ALG12: variants seen among roughly 807,000 people sequenced by gnomAD.
The protein encoded by ALG12 is dol-P-Man:Man(7)GlcNAc(2)-PP-Dol alpha-1,6-mannosyltransferase.
Under a neutral mutation model 46.0 loss-of-function variants are expected in ALG12, and 36 were observed. The ratio of observed to expected loss-of-function variants is 0.78; its 90% confidence interval spans 0.60 to 1.03. The LOEUF is 1.03. Among genes scored for constraint, ALG12 ranks in the 50% least tolerant of loss-of-function variants. The pLI is 0.00. For synonymous variants in ALG12, 326 were observed against 291.6 expected (o/e 1.12, Z -1.20); for missense variants, 599 against 633.5 (o/e 0.95, Z 0.58).
At position 49,901,591 on chromosome 22, in the gene ALG12, G is replaced by A. The variant is rs2060505832; in HGVS notation, c.*2247C>T. On this transcript the variant is annotated 3_prime_UTR_variant, in exon 10 of 10. Coordinates refer to ENST00000330817, the MANE Select transcript of ALG12 (RefSeq NM_024105.4). ...ATTGTGTGGTGTGTATGCATGGTGT[G>A]TGCACCTGTGCATTGTGTGTGTGCA... is the stretch of plus-strand genomic sequence containing the variant. 6.6e-6 allele frequency: 1 copy of A among 151,592 alleles called. No homozygotes were observed. The highest frequency in any genetic ancestry group is 1.5e-5 in the Non-Finnish European group (1 of 68,010). The allele number at this position is 151,592 out of a possible 1,614,324, so 9.4% of individuals were successfully genotyped here.
chr22:49,913,909 G>A (rs1453896529), intron 1 of ALG12, 66 bp from the exon 2 acceptor site: 12 of 1,025,500 alleles, frequency 1.2e-5, no homozygotes, highest in Admixed American at 3.9e-5. Context: ...TGGGAGATCC[G>A]GGTAAAGGGT....
the ALG12 span, chr22:49,888,601 A>G: frequency 6.0e-6 from 1 of 167,266 alleles, no homozygotes; most frequent in Non-Finnish European, 1.5e-5. Flanking sequence ...TTACAACAAC[A>G]GTTCTGATCA....
the ALG12 span, chr22:49,887,102 C>G: frequency 1.9e-6 from 3 of 1,614,068 alleles, no homozygotes; most frequent in South Asian, 3.3e-5. Context: ...CTTGGCCAAT[C>G]CAGGCTCATG....
At chr22:49,893,551 C>T in the ALG12 span, among the ~76,000 whole-genome samples, 1 of 152,150 alleles carries the variant, frequency 6.6e-6, no homozygotes, top group Non-Finnish European at 1.5e-5. Context: ...TTTATATACC[C>T]AGTGAGAAGA....
rs1413184004 is a variant in ALG12, at chr22:49,905,300, C to T, written c.993-794G>A. Among the ~76,000 whole-genome samples the T allele has an allele frequency of 8.5e-5, 13 of 152,304 alleles. No individual in the cohort carries two copies. The highest frequency in any genetic ancestry group is 1.9e-4 in the East Asian group (1 of 5,174). ...CCCTGGTCTAAACGCCCTGAACCCC[C>T]GATCAAGACTCACTCTCTTCCAAAC... is the stretch of plus-strand genomic sequence containing the variant. On this transcript the variant is annotated intron_variant, in intron 7 of 9. Coordinates refer to ENST00000330817, the MANE Select transcript of ALG12 (RefSeq NM_024105.4). The surrounding 1 kb of genome is among the most constrained non-coding windows in gnomAD (Gnocchi z 4.9).
the ALG12 span, among the ~76,000 whole-genome samples, chr22:49,867,340 G>T: frequency 6.6e-6 from 1 of 152,156 alleles, no homozygotes; most frequent in African/African-American, 2.4e-5. Flanking sequence ...AGGTTCCCTG[G>T]GCCCCTGAAG....
chr22:49,882,230 C>T, the ALG12 span, among the ~76,000 whole-genome samples: 1 of 152,216 alleles, frequency 6.6e-6, no homozygotes, highest in Admixed American at 6.5e-5. Flanking sequence ...AGTTCTCCCA[C>T]TTTCTGGCAT....
chr22:49,880,430 C>T, the ALG12 span, among the ~76,000 whole-genome samples: 3 of 152,260 alleles, frequency 2.0e-5, no homozygotes, highest in African/African-American at 7.2e-5. Context: ...GACCACCGGG[C>T]TCTGCCAAGT....
chr22:49,870,870 C>G, the ALG12 span, among the ~76,000 whole-genome samples: 2 of 151,924 alleles, frequency 1.3e-5, no homozygotes, highest in Non-Finnish European at 2.9e-5. Flanking sequence ...ACAATCCACT[C>G]AATTATTTTG....
Position 49,902,142 on chromosome 22 carries a change from G to C in ALG12, c.*1696C>G, listed in dbSNP as rs2060512991. 1 of 130,430 alleles carries C rather than the reference G, an allele frequency of 7.7e-6. No homozygotes were observed. The highest frequency in any genetic ancestry group is 7.7e-5 in the Admixed American group (1 of 13,014). The allele number at this position is 130,430 out of a possible 1,614,324, so 8.1% of individuals were successfully genotyped here. A position where few individuals can be genotyped will look rare whatever the true frequency, so the allele number is the denominator to read the frequency against. ...AATGTGCACGTGTGCACTGTGTGTG[G>C]TGTGTATGCATGGTGTGTGCACGTG... On this transcript the variant is annotated 3_prime_UTR_variant, in exon 10 of 10. Coordinates refer to ENST00000330817, the MANE Select transcript of ALG12 (RefSeq NM_024105.4).
At chr22:49,886,424 T>A in the ALG12 span, 1 of 1,593,512 alleles carries the variant, frequency 6.3e-7, no homozygotes, top group Non-Finnish European at 8.6e-7. The surrounding 1 kb of genome is among the most constrained non-coding windows in gnomAD (Gnocchi z 7.7). Context: ...TTCCGAGAGC[T>A]GATCAGCTGC....
chr22:49,863,829 C>G, the ALG12 span, among the ~76,000 whole-genome samples: 1 of 152,158 alleles, frequency 6.6e-6, no homozygotes, highest in African/African-American at 2.4e-5. Context: ...CCAGAGGCGA[C>G]CAGTTAGGGA....
downstream of ALG12, among the ~76,000 whole-genome samples, chr22:49,898,004 A>G (rs928788186): frequency 6.6e-5 from 10 of 151,078 alleles, no homozygotes; most frequent in African/African-American, 2.4e-4. Flanking sequence ...AGTTCTTTGT[A>G]TATATTGGAT....
At chr22:49,915,876 C>T (rs192226995) in intron 1 of ALG12, among the ~76,000 whole-genome samples, 3 of 152,318 alleles carry the variant, frequency 2.0e-5, no homozygotes, top group South Asian at 2.1e-4. Context: ...CAAAGCCTGC[C>T]GCACAGTAGG....
At chr22:49,872,453 A>T in the ALG12 span, among the ~76,000 whole-genome samples, 1 of 152,192 alleles carries the variant, frequency 6.6e-6, no homozygotes, top group Non-Finnish European at 1.5e-5. Context: ...GTCATCCATG[A>T]GGGTTAGAAT....
the ALG12 span, among the ~76,000 whole-genome samples, chr22:49,871,434 G>A: frequency 3.9e-5 from 6 of 151,930 alleles, no homozygotes; most frequent in East Asian, 2.0e-4. Context: ...ACAGTGAGCC[G>A]ATATTGCCAC....
At position 49,910,072 on chromosome 22, in the gene ALG12, C is replaced by A; in HGVS notation, c.486G>T (p.Ala162=). 3 of 1,609,968 alleles carry A rather than the reference C, an allele frequency of 1.9e-6. No homozygotes were observed. The highest frequency in any genetic ancestry group is 2.2e-5 in the East Asian group (1 of 44,740). ...GGGCCCACTCGTGCCGCAGCCAGGC[C>A]GCGAGGGCCAGCAGGACTGCAAGAC... ...LALPVVLLAL[A]AWLRHEWARF... The change falls in exon 5 of 10, where the codon GCG becomes GCT. Residue 162 remains alanine, a synonymous_variant. Coordinates refer to ENST00000330817, the MANE Select transcript of ALG12 (RefSeq NM_024105.4).
At chr22:49,890,179 T>G in the ALG12 span, 1 of 152,254 alleles carries the variant, frequency 6.6e-6, no homozygotes, top group Admixed American at 6.6e-5. Flanking sequence ...TGGTAGTGCA[T>G]GCCTGTAGTC....
At chr22:49,898,379 C>T (rs1569169913), downstream of ALG12, among the ~76,000 whole-genome samples, 1 of 151,578 alleles carries the variant, frequency 6.6e-6, no homozygotes. Flanking sequence ...TCTTCTTATT[C>T]TCTTGAGTGA....
Sources: gnomAD v4.1 joint callset for allele counts (sites outside exome capture counted in the v4.1 genomes callset) on GRCh38, gnomAD v4.1.1 for gene constraint, Gnocchi (gnomAD v3.1) non-coding constraint, MANE v1.5 for transcripts, NCBI Gene and HGNC (gene_info 2026-07-23, HGNC 2026-07-21) for gene names.